Variants in GNA12 observed in about 807,000 individuals in gnomAD.
GNA12 encodes guanine nucleotide-binding protein subunit alpha-12.
A neutral mutation model predicts 26.0 loss-of-function variants in GNA12; 9 were observed. The observed-to-expected ratio is 0.35, with a 90% CI of 0.21 to 0.60. The LOEUF (loss-of-function observed/expected upper bound fraction) is 0.60, where lower values mean the gene tolerates loss of function less well. GNA12 is among the 20% of genes least tolerant of loss of function. GNA12 has a pLI of 0.78. For missense variants in GNA12, 405 were observed against 525.8 expected, an observed-to-expected ratio of 0.77 and a Z score of 2.25; for synonymous variants, 264 against 219.6, an observed-to-expected ratio of 1.20 and a Z score of -1.79.
intron 2 of GNA12, among the ~76,000 whole-genome samples, chr7:2,787,046 C>A (rs144961332): frequency 9.9e-5 from 15 of 152,174 alleles, no homozygotes; most frequent in South Asian, 2.1e-4. Context: ...GCAGCCTGGG[C>A]GTACTCACAA....
At chr7:2,740,209 G>T (rs1790429689) in intron 2 of GNA12, among the ~76,000 whole-genome samples, 1 of 152,024 alleles carries the variant, frequency 6.6e-6, no homozygotes. Context: ...TTTTCTAGGT[G>T]GTTCTATTTG....
chr7:2,731,270 C>A lies in GNA12; in HGVS notation c.1057G>T (p.Ala353Ser), dbSNP rs1262468448. 1 of 1,613,432 alleles carries A rather than the reference C, an allele frequency of 6.2e-7. No homozygotes were observed. Among genetic ancestry groups the A allele is most frequent in the Admixed American group, 1.7e-5 (1 of 59,952 alleles). The part of the protein sequence containing the change: ...SKPLFHHFTT[A>S]IDTENVRFVF... ...AAGCGGACGTTCTCGGTGTCGATGG[C>A]GGTGGTGAAGTGGTGGAAGAGTGGC... The change falls in exon 4 of 4, where the codon GCC becomes TCC. Residue 353 changes from alanine to serine, a missense_variant. Coordinates refer to ENST00000275364, the MANE Select transcript of GNA12 (RefSeq NM_007353.3). The surrounding 1 kb of genome is among the most constrained non-coding windows in gnomAD (Gnocchi z 6.0).
Position 2,735,827 on chromosome 7 carries a change from G to A in GNA12, c.526-2326C>T, listed in dbSNP as rs115399676. ...CGAGAAACAGCCCAGGGGGTCCGTG[G>A]GAAAGCTGCCACTGAACTGTAAGGT... On this transcript the variant is annotated intron_variant, in intron 2 of 3. Transcript: ENST00000275364. Among the ~76,000 whole-genome samples the A allele has an allele frequency of 6.2e-4, 95 of 152,294 alleles. 1 individual carries two copies. Among genetic ancestry groups the A allele is most frequent in the African/African-American group, 1.9e-3 (79 of 41,548 alleles).
rs1020644282 is a variant in GNA12 at position 2,759,008 on chromosome 7, T to C, written c.526-25507A>G. Among the ~76,000 whole-genome samples the C allele has an allele frequency of 2.6e-5, 4 of 151,832 alleles. No homozygotes were observed. In the East Asian group the frequency reaches 7.8e-4, roughly 30 times the overall value. On this transcript the variant is annotated intron_variant, in intron 2 of 3. Transcript: ENST00000275364. ...TACAAAAACTAGCGGGGCGTGGTGG[T>C]GGGCGCCTGTAATCCCAGCTACTGG...
intron 1 of GNA12, 117 bp downstream of exon 1, chr7:2,843,736 C>A: frequency 2.1e-6 from 1 of 468,366 alleles, no homozygotes; most frequent in East Asian, 3.7e-5. Flanking sequence ...GGGGCTGGAT[C>A]CAGCATCCTC....
chr7:2,778,197 A>G (rs972203502), intron 2 of GNA12, among the ~76,000 whole-genome samples: 9 of 152,206 alleles, frequency 5.9e-5, no homozygotes, highest in African/African-American at 2.2e-4. Context: ...TTTCGCCACA[A>G]TTTTTTCAAA....
rs542174525 is a variant in GNA12, at chr7:2,814,068, G to A, written c.310-18925C>T. Among the ~76,000 whole-genome samples the A allele has an allele frequency of 2.6e-5, 4 of 152,200 alleles. No individual in the cohort carries two copies. The East Asian group carries it at 5.8e-4, about 22-fold the overall frequency. On this transcript the variant is annotated intron_variant, in intron 1 of 3. Transcript: ENST00000275364. Reference sequence around the variant, plus strand: ...GCCCTGGGACTGGATGTCCACCATCGGCTGCCCAGGTTCTCAGGCCTTCGG... The same window carrying A: ...GCCCTGGGACTGGATGTCCACCATCAGCTGCCCAGGTTCTCAGGCCTTCGG...
At chr7:2,742,105 T>C (rs1312637459) in intron 2 of GNA12, among the ~76,000 whole-genome samples, 1 of 152,044 alleles carries the variant, frequency 6.6e-6, no homozygotes, top group African/African-American at 2.4e-5. Flanking sequence ...CACTGCAGCC[T>C]CCGCCTCCCA....
At chr7:2,797,437 A>G (rs1370235638) in intron 1 of GNA12, among the ~76,000 whole-genome samples, 1 of 148,830 alleles carries the variant, frequency 6.7e-6, no homozygotes, top group Non-Finnish European at 1.5e-5. Context: ...GAGCCACTGC[A>G]TCCGGCCTTT....
rs558574090 is a variant in GNA12, at chr7:2,821,785, T to C, written c.309+22068A>G. ...GAGGTTACACCATATTCCTGCTTAG[T>C]GGAATCCTGACCTTCATGTTACTAA... On this transcript the variant is annotated intron_variant, in intron 1 of 3. Transcript: ENST00000275364. Among the ~76,000 whole-genome samples, 13 of 152,372 alleles carry C rather than the reference T, an allele frequency of 8.5e-5. No individual in the cohort carries two copies. In the East Asian group the frequency reaches 2.3e-3, roughly 27 times the overall value.
chr7:2,789,320 A>G lies in GNA12; in HGVS notation c.525+5608T>C, dbSNP rs561078224. ...CCGGCTAATTTTTTGTATTTTTAGTAGAGACGGGGTTTCACCGTTTTAGCC... is the reference window on the plus strand; with the variant it reads ...CCGGCTAATTTTTTGTATTTTTAGTGGAGACGGGGTTTCACCGTTTTAGCC... On this transcript the variant is annotated intron_variant, in intron 2 of 3. Coordinates refer to ENST00000275364, the MANE Select transcript of GNA12 (RefSeq NM_007353.3). Among the ~76,000 whole-genome samples, 318 of 147,206 alleles carry G rather than the reference A, an allele frequency of 2.2e-3. 4 individuals are homozygous for G. The highest frequency in any genetic ancestry group is 6.1e-3 in the Admixed American group (91 of 14,812).
rs560123937 is a variant in GNA12, at chr7:2,731,264, C to T, written c.1063G>A (p.Asp355Asn). The stretch of plus-strand genomic sequence containing the variant: ...AACACGAAGCGGACGTTCTCGGTGT[C>T]GATGGCGGTGGTGAAGTGGTGGAAG... Reference protein sequence around the residue: ...PLFHHFTTAIDTENVRFVFHA... With the variant: ...PLFHHFTTAINTENVRFVFHA... The change falls in exon 4 of 4, where the codon GAC becomes AAC. Residue 355 changes from aspartate (D) to asparagine (N), a missense_variant. Physicochemically the swap from Asp to Asn is conservative, Grantham distance 23. Transcript: ENST00000275364. The surrounding 1 kb of genome is among the most constrained non-coding windows in gnomAD (Gnocchi z 6.0). 89 of 1,610,692 alleles carry T rather than the reference C, an allele frequency of 5.5e-5. No homozygotes were observed. Among genetic ancestry groups the T allele is most frequent in the East Asian group, 8.9e-5 (4 of 44,750 alleles).
intron 2 of GNA12, among the ~76,000 whole-genome samples, chr7:2,751,421 T>C (rs539398419): frequency 9.6e-5 from 14 of 145,522 alleles, no homozygotes; most frequent in South Asian, 4.3e-4. Flanking sequence ...AAACAGCTTA[T>C]AGAAGAGAAA....
intron 1 of GNA12, among the ~76,000 whole-genome samples, chr7:2,805,623 A>G (rs1792927873): frequency 6.6e-6 from 1 of 152,254 alleles, no homozygotes; most frequent in South Asian, 2.1e-4. Flanking sequence ...CGCAGCTTAC[A>G]GCAGGCACGG....
chr7:2,816,081 T>A (rs563347896), intron 1 of GNA12, among the ~76,000 whole-genome samples: 5 of 152,240 alleles, frequency 3.3e-5, no homozygotes, highest in African/African-American at 1.2e-4. Flanking sequence ...GGACACACAG[T>A]GCAGCACTGT....
chr7:2,815,564 A>G (rs987086510), intron 1 of GNA12, among the ~76,000 whole-genome samples: 2 of 152,238 alleles, frequency 1.3e-5, no homozygotes, highest in African/African-American at 4.8e-5. Context: ...CCACCCTGAT[A>G]GCACAGAGGC....
At chr7:2,832,949 G>A (rs148693513) in intron 1 of GNA12, among the ~76,000 whole-genome samples, 10 of 152,296 alleles carry the variant, frequency 6.6e-5, no homozygotes, top group South Asian at 4.1e-4. Context: ...CCAGAAGCAT[G>A]AGCTTCTCTA....
intron 1 of GNA12, among the ~76,000 whole-genome samples, chr7:2,795,725 G>T (rs1792651596): frequency 6.6e-6 from 1 of 151,622 alleles, no homozygotes; most frequent in Admixed American, 6.6e-5. Context: ...CATTTGCAAA[G>T]CTACTGGAAA....
intron 1 of GNA12, among the ~76,000 whole-genome samples, chr7:2,837,691 C>G (rs1014342158): frequency 6.6e-5 from 10 of 152,154 alleles, no homozygotes; most frequent in African/African-American, 2.4e-4. Flanking sequence ...AGAGGAAATA[C>G]AGGCATTCTT....
Sources: allele counts gnomAD v4.1 joint callset (sites outside exome capture counted in the v4.1 genomes callset), GRCh38; gene constraint gnomAD v4.1.1; non-coding constraint Gnocchi (gnomAD v3.1); transcripts MANE v1.5; gene names NCBI Gene and HGNC (gene_info 2026-07-23, HGNC 2026-07-21).